CAMSAP3: variants seen among roughly 807,000 people sequenced by gnomAD.
CAMSAP3 encodes calmodulin regulated spectrin associated protein family member 3, also known as calmodulin-regulated spectrin-associated protein 3.
In CAMSAP3, 34 loss-of-function variants were observed where a neutral mutation model predicts 112.5. That is an observed-to-expected ratio of 0.30 (90% CI 0.23 to 0.40). CAMSAP3 has a LOEUF of 0.40. CAMSAP3 is among the 10% of genes least tolerant of loss of function. CAMSAP3 has a pLI of 1.00. For synonymous variants in CAMSAP3, 868 were observed against 799.8 expected (o/e 1.09, Z -1.44); for missense variants, 1,602 against 1,770.3 (o/e 0.90, Z 1.71).
At position 7,615,538 on chromosome 19, in the gene CAMSAP3, C is replaced by A; in HGVS notation, c.2931C>A (p.Phe977Leu). 1 of 1,533,694 alleles carries A rather than the reference C, an allele frequency of 6.5e-7. No individual in the cohort carries two copies. The highest frequency in any genetic ancestry group is 8.8e-7 in the Non-Finnish European group (1 of 1,142,314). The change falls in exon 13 of 17, where the codon TTC (phenylalanine) becomes TTA (leucine). Residue 977 changes from phenylalanine (F) to leucine (L), a missense_variant. Physicochemically the swap from Phe to Leu is conservative, Grantham distance 22 (BLOSUM62 0). Coordinates refer to ENST00000160298, the MANE Select transcript of CAMSAP3 (RefSeq NM_020902.2). The surrounding 1 kb of genome is among the most constrained non-coding windows in gnomAD (Gnocchi z 6.5). Reference sequence around the variant, plus strand: ...AGGTGGGCCCCCGGAAGGGGGACTTCACGCGGCAGGAGTACGAGCGCCGGG... The same window carrying A: ...AGGTGGGCCCCCGGAAGGGGGACTTAACGCGGCAGGAGTACGAGCGCCGGG... ...EEEVGPRKGD[F>L]TRQEYERRAQ...
intron 14 of CAMSAP3, among the ~76,000 whole-genome samples, chr19:7,616,866 C>T (rs11879444): frequency 0.01 from 1,541 of 148,994 alleles, 18 homozygotes; most frequent in African/African-American, 0.036. Flanking sequence ...GAGGACAGCA[C>T]GGGGCACTGC....
In CAMSAP3 at chr19:7,613,080, A is replaced by G. The variant is rs1418028243; in HGVS notation, c.2587A>G (p.Ser863Gly). ...CGCCGCCGAGGACGAGGGAGACGGG[A>G]GCCCCGCTGGTGCTGAGGATTCCTT... is the stretch of plus-strand genomic sequence containing the variant. The part of the protein sequence containing the change: ...DPAAEDEGDG[S>G]PAGAEDSLEE... The change falls in exon 11 of 17, where the codon AGC becomes GGC. Residue 863 changes from serine (S) to glycine (G), a missense_variant. Ser to Gly is a moderately conservative substitution (Grantham distance 56). Coordinates refer to ENST00000160298, the MANE Select transcript of CAMSAP3 (RefSeq NM_020902.2). The G allele has an allele frequency of 3.9e-6, 6 of 1,546,894 alleles. No individual in the cohort carries two copies. Among genetic ancestry groups the G allele is most frequent in the Admixed American group, 3.9e-5 (2 of 50,920 alleles).
At chr19:7,601,448 A>C (rs1568439325) in intron 1 of CAMSAP3, among the ~76,000 whole-genome samples, 1 of 152,100 alleles carries the variant, frequency 6.6e-6, no homozygotes, top group African/African-American at 2.4e-5. Flanking sequence ...CCTCCTGAGT[A>C]GCTGGGATTA....
intron 1 of CAMSAP3, among the ~76,000 whole-genome samples, chr19:7,601,051 C>G (rs998025486): frequency 6.6e-6 from 1 of 151,950 alleles, no homozygotes; most frequent in Non-Finnish European, 1.5e-5. Flanking sequence ...GCTACTGAGT[C>G]ACTTGAAATG....
In CAMSAP3 at chr19:7,616,599, C is replaced by T. The variant is rs777189224; in HGVS notation, c.3189C>T (p.Leu1063=). 22 of 1,609,894 alleles carry T rather than the reference C, an allele frequency of 1.4e-5. No individual in the cohort carries two copies. The highest frequency in any genetic ancestry group is 2.2e-5 in the East Asian group (1 of 44,818). Reference sequence around the variant, plus strand: ...TGGCCAACGAGGCCCACAATAACCTCGGGGTGAAGAGGCCCACGTCTCGGT... The same window carrying T: ...TGGCCAACGAGGCCCACAATAACCTTGGGGTGAAGAGGCCCACGTCTCGGT... ...STVANEAHNN[L]GVKRPTSRAP... is the part of the protein sequence containing the mutation. The change falls in exon 14 of 17, where the codon CTC becomes CTT. Residue 1063 remains leucine (L), a synonymous_variant. Coordinates refer to ENST00000160298, the MANE Select transcript of CAMSAP3 (RefSeq NM_020902.2).
At position 7,610,532 on chromosome 19, in the gene CAMSAP3, G is replaced by A. The variant is rs1193638625; in HGVS notation, c.817G>A (p.Val273Met). 3.1e-6 allele frequency: 5 copies of A among 1,613,682 alleles called. No homozygotes were observed. The highest frequency in any genetic ancestry group is 1.7e-5 in the Admixed American group (1 of 60,010). The change falls in exon 6 of 17, where the codon GTG becomes ATG. Residue 273 changes from valine (V) to methionine (M), a missense_variant. Physicochemically the swap from Val to Met is conservative, Grantham distance 21. This residue lies in a region of CAMSAP3 where 58 missense variants were observed against 108.4 expected (regional missense o/e 0.54). Transcript: ENST00000160298. The surrounding 1 kb of genome is among the most constrained non-coding windows in gnomAD (Gnocchi z 4.9). The stretch of plus-strand genomic sequence containing the variant: ...GGACAGCCTGTACAACCTCCAGCTC[G>A]TGCAGGATTTCTGTGCCTCTCGCCT... ...VADSLYNLQL[V>M]QDFCASRLPR...
Position 7,616,594 on chromosome 19 carries a change from A to T in CAMSAP3, c.3184A>T (p.Asn1062Tyr). 6.2e-7 allele frequency: 1 copy of T among 1,610,310 alleles called. No homozygotes were observed. The highest frequency in any genetic ancestry group is 8.5e-7 in the Non-Finnish European group (1 of 1,179,560). Residue 1062 changes from asparagine to tyrosine, a missense_variant, in exon 14 of 17, where the codon AAC becomes TAC. Around this residue, in one of 6 missense-constraint regions of CAMSAP3, gnomAD observed 1,100 missense variants for 1,135.7 expected, o/e 0.97. Transcript: ENST00000160298. Reference sequence around the variant, plus strand: ...CACTGTGGCCAACGAGGCCCACAATAACCTCGGGGTGAAGAGGCCCACGTC... The same window carrying T: ...CACTGTGGCCAACGAGGCCCACAATTACCTCGGGGTGAAGAGGCCCACGTC... The part of the protein sequence containing the change: ...LSTVANEAHN[N>Y]LGVKRPTSRA...
At chr19:7,609,695 A>T (rs897051218) in intron 5 of CAMSAP3, among the ~76,000 whole-genome samples, 2 of 152,168 alleles carry the variant, frequency 1.3e-5, no homozygotes, top group Non-Finnish European at 1.5e-5. Context: ...ACTCATCATC[A>T]TGGGGAACCA....
intron 13 of CAMSAP3, among the ~76,000 whole-genome samples, chr19:7,616,152 A>C (rs887427390): frequency 1.1e-4 from 16 of 149,104 alleles, no homozygotes; most frequent in African/African-American, 4.0e-4. Context: ...GCACCACTGT[A>C]CTCCAGCCTG....
chr19:7,602,771 A>T (rs898466710), intron 1 of CAMSAP3, among the ~76,000 whole-genome samples: 2 of 152,124 alleles, frequency 1.3e-5, no homozygotes, highest in African/African-American at 4.8e-5. Context: ...TCCATTTACA[A>T]GGAGACGCCT....
intron 13 of CAMSAP3, 33 bp from the exon 14 acceptor site, chr19:7,616,490 T>G (rs910173774): frequency 6.8e-7 from 1 of 1,471,126 alleles, no homozygotes; most frequent in Non-Finnish European, 9.5e-7. Context: ...CAGGGGCTTC[T>G]GGTGGGCACT....
rs751431664 is a variant in CAMSAP3, at chr19:7,612,125, C to A, written c.1632C>A (p.Ser544=). 3 of 1,612,626 alleles carry A rather than the reference C, an allele frequency of 1.9e-6. No individual in the cohort carries two copies. Among genetic ancestry groups the A allele is most frequent in the Non-Finnish European group, 2.5e-6 (3 of 1,179,730 alleles). The change falls in exon 11 of 17, where the codon TCC becomes TCA. Residue 544 remains serine (S), a synonymous_variant. Transcript: ENST00000160298. ...AGGCATCGAAACCGCCAGCCCCATCCGAGGGGTCCCCGAAGGCGGTGGCTT... is the reference window on the plus strand; with the variant it reads ...AGGCATCGAAACCGCCAGCCCCATCAGAGGGGTCCCCGAAGGCGGTGGCTT... ...VGEASKPPAP[S]EGSPKAVASS... is the part of the protein sequence containing the mutation.
rs985925074 is a variant in CAMSAP3 at position 7,616,581 on chromosome 19, C to G, written c.3171C>G (p.Asn1057Lys). 2 of 1,612,046 alleles carry G rather than the reference C, an allele frequency of 1.2e-6. No homozygotes were observed. The highest frequency in any genetic ancestry group is 1.7e-6 in the Non-Finnish European group (2 of 1,179,816). The change falls in exon 14 of 17, where the codon AAC (asparagine) becomes AAG (lysine). Residue 1057 changes from asparagine to lysine, a missense_variant. Coordinates refer to ENST00000160298, the MANE Select transcript of CAMSAP3 (RefSeq NM_020902.2). The part of the protein sequence containing the change: ...QSTLSLSTVA[N>K]EAHNNLGVKR... ...CCCTGTCACTGTCCACTGTGGCCAA[C>G]GAGGCCCACAATAACCTCGGGGTGA...
Position 7,617,919 on chromosome 19 carries a change from C to T in CAMSAP3, c.3612C>T (p.Tyr1204=), listed in dbSNP as rs370026951. 3.8e-5 allele frequency: 61 copies of T among 1,614,126 alleles called. No homozygotes were observed. The African/African-American group carries it at 6.4e-4, about 17-fold the overall frequency. ...TPAMVEGIYK[Y]NSDRKRFTQI... ...CCATGGTGGAAGGCATCTACAAGTACAACTCGGACCGCAAGCGCTTCACCC... is the reference window on the plus strand; with the variant it reads ...CCATGGTGGAAGGCATCTACAAGTATAACTCGGACCGCAAGCGCTTCACCC... The change falls in exon 17 of 17, where the codon TAC becomes TAT. Residue 1204 remains tyrosine (Y), a synonymous_variant. Coordinates refer to ENST00000160298, the MANE Select transcript of CAMSAP3 (RefSeq NM_020902.2). This position sits in a 1 kb window ranked among gnomAD's most constrained non-coding sequence, Gnocchi z 7.5.
At chr19:7,614,715 G>A (rs996937610) in intron 11 of CAMSAP3, 3 of 191,156 alleles carry the variant, frequency 1.6e-5, no homozygotes, top group African/African-American at 2.4e-5. Flanking sequence ...TTGTACTTCC[G>A]TGCCCCCCAG....
chr19:7,601,283 G>C (rs544152367), intron 1 of CAMSAP3, among the ~76,000 whole-genome samples: 36 of 152,234 alleles, frequency 2.4e-4, no homozygotes, highest in African/African-American at 8.7e-4. Context: ...TAGGAAACTT[G>C]ACGGCTCATT....
Position 7,608,221 on chromosome 19 carries a change from C to G in CAMSAP3, c.717C>G (p.Ala239=). Residue 239 remains alanine, a synonymous_variant, in exon 5 of 17, where the codon GCC becomes GCG. Transcript: ENST00000160298. ...ACCTGGCCAGTGGGGCCGCGCTGGC[C>G]GCCACCATCCACTGCTATTGTCCCC... ...LQDLASGAAL[A]ATIHCYCPQL... is the part of the protein sequence containing the mutation. The G allele has an allele frequency of 6.2e-7, 1 of 1,612,696 alleles. No homozygotes were observed. The highest frequency in any genetic ancestry group is 1.1e-5 in the South Asian group (1 of 91,080).
rs148137201 is a variant in CAMSAP3, at chr19:7,597,679, G to T, written c.148+1529G>T. On this transcript the variant is annotated intron_variant, in intron 1 of 16. Transcript: ENST00000160298. ...CAGAATTCTTCGCGTGGCACGGGGC[G>T]CGTGATACATGCGAAACGGTTGCTC... Among the ~76,000 whole-genome samples, 481 of 152,356 alleles carry T rather than the reference G, an allele frequency of 3.2e-3. 3 individuals carry two copies. The highest frequency in any genetic ancestry group is 0.011 in the African/African-American group (457 of 41,582).
rs1193708211 is a variant in CAMSAP3 at position 7,612,714 on chromosome 19, G to C, written c.2221G>C (p.Ala741Pro). 2 of 1,527,210 alleles carry C rather than the reference G, an allele frequency of 1.3e-6. No homozygotes were observed. Among genetic ancestry groups the C allele is most frequent in the Admixed American group, 2.0e-5 (1 of 50,186 alleles). 94.6% of individuals were successfully genotyped at this position (1,527,210 alleles called of 1,614,324 possible). The change falls in exon 11 of 17, where the codon GCT becomes CCT. Residue 741 changes from alanine (A) to proline (P), a missense_variant. By Grantham distance (27) the Ala-to-Pro change is conservative. Around this residue, in one of 6 missense-constraint regions of CAMSAP3, gnomAD observed 1,100 missense variants for 1,135.7 expected, o/e 0.97. Coordinates refer to ENST00000160298, the MANE Select transcript of CAMSAP3 (RefSeq NM_020902.2). ...PEAPGSAPPP[A>P]AWVIPGPTTG... is the part of the protein sequence containing the mutation. ...GGCCCCCGGATCCGCCCCACCACCT[G>C]CTGCGTGGGTCATCCCTGGCCCCAC...
Sources: gnomAD v4.1 joint callset for allele counts (sites outside exome capture counted in the v4.1 genomes callset) on GRCh38, gnomAD v4.1.1 for gene constraint, gnomAD v4.1.1 regional missense constraint, Gnocchi (gnomAD v3.1) non-coding constraint, MANE v1.5 for transcripts, NCBI Gene and HGNC (gene_info 2026-07-23, HGNC 2026-07-21) for gene names.